Variants in PDE3A observed in about 807,000 individuals in gnomAD.
The protein encoded by PDE3A is phosphodiesterase 3A, also known as cGMP-inhibited 3',5'-cyclic phosphodiesterase 3A.
PDE3A carries 43 observed loss-of-function variants against 98.3 expected under a neutral mutation model. The observed-to-expected ratio is 0.44, with a 90% CI of 0.34 to 0.56. The LOEUF is 0.56. Ranked by LOEUF, PDE3A falls within the 20% of genes least tolerant of loss-of-function variation. The probability of loss-of-function intolerance (pLI) is 0.01; values close to 1 mark genes in which losing one functional copy is unlikely to be tolerated. For synonymous variants in PDE3A, 663 were observed against 567.9 expected (o/e 1.17, Z -2.38); for missense variants, 1,427 against 1,440.7 (o/e 0.99, Z 0.15).
At chr12:20,412,641 A>G (rs947540017) in intron 1 of PDE3A, among the ~76,000 whole-genome samples, 7 of 152,152 alleles carry the variant, frequency 4.6e-5, no homozygotes, top group Non-Finnish European at 5.9e-5. Flanking sequence ...TCCTACCTAC[A>G]TGGAATATGG....
At position 20,681,691 on chromosome 12, in the gene PDE3A, G is replaced by A. The variant is rs1945788747; in HGVS notation, c.*1420G>A. 1 of 151,946 alleles carries A rather than the reference G, an allele frequency of 6.6e-6. No individual in the cohort carries two copies. The highest frequency in any genetic ancestry group is 2.1e-4 in the South Asian group (1 of 4,818). 9.4% of individuals were successfully genotyped at this position (151,946 alleles called of 1,614,324 possible). On this transcript the variant is annotated 3_prime_UTR_variant, in exon 16 of 16. Coordinates refer to ENST00000359062, the MANE Select transcript of PDE3A (RefSeq NM_000921.5). ...TGGCCGGGGAGATTATAGAGAGATT[G>A]TTTGAAGATTGGGTTATTATTGAAA...
intron 1 of PDE3A, among the ~76,000 whole-genome samples, chr12:20,503,741 G>T (rs80023023): frequency 6.6e-6 from 1 of 151,746 alleles, no homozygotes; most frequent in African/African-American, 2.4e-5. Context: ...CTTATTTTAG[G>T]TTCTAATTTT....
At chr12:20,608,642 A>G (rs999898186) in intron 2 of PDE3A, among the ~76,000 whole-genome samples, 5 of 152,130 alleles carry the variant, frequency 3.3e-5, no homozygotes, top group Non-Finnish European at 5.9e-5. Context: ...TATTTTTTCT[A>G]TATATACAAG....
intron 2 of PDE3A, among the ~76,000 whole-genome samples, chr12:20,558,034 G>T (rs1942414300): frequency 6.6e-6 from 1 of 152,042 alleles, no homozygotes; most frequent in Admixed American, 6.6e-5. Context: ...AAAACATTTT[G>T]ATATTCAAAA....
chr12:20,573,941 A>G (rs10770671), intron 2 of PDE3A, among the ~76,000 whole-genome samples: 65,078 of 151,890 alleles, frequency 0.43, 14,102 homozygotes, highest in East Asian at 0.52. Context: ...AAAAGAAAAA[A>G]TGGAGATTTC....
intron 4 of PDE3A, among the ~76,000 whole-genome samples, chr12:20,618,459 A>T (rs936258123): frequency 6.6e-6 from 1 of 152,046 alleles, no homozygotes; most frequent in African/African-American, 2.4e-5. Context: ...TAGAAACACA[A>T]CTTAACTCAT....
chr12:20,673,301 A>G (rs1945541457), intron 15 of PDE3A, among the ~76,000 whole-genome samples: 1 of 150,578 alleles, frequency 6.6e-6, no homozygotes, highest in South Asian at 2.1e-4. Flanking sequence ...GCGATTCCTC[A>G]GGGATCTAGA....
At chr12:20,492,937 CACTT>C (rs1237640125) in intron 1 of PDE3A, among the ~76,000 whole-genome samples, 1 of 152,118 alleles carries the variant, frequency 6.6e-6, no homozygotes, top group Non-Finnish European at 1.5e-5. Context: ...AAAGCAAAAA[CACTT>C]ACTAGCTGTG....
At chr12:20,506,474 A>C (rs1390839146) in intron 1 of PDE3A, among the ~76,000 whole-genome samples, 2 of 152,074 alleles carry the variant, frequency 1.3e-5, no homozygotes, top group Non-Finnish European at 2.9e-5. Flanking sequence ...AAACATTTTT[A>C]TTAATCATCT....
At chr12:20,388,966 A>G (rs1450384464) in intron 1 of PDE3A, among the ~76,000 whole-genome samples, 1 of 152,090 alleles carries the variant, frequency 6.6e-6, no homozygotes, top group African/African-American at 2.4e-5. Context: ...GCAGAAATAA[A>G]TTTGAGAATA....
intron 1 of PDE3A, among the ~76,000 whole-genome samples, chr12:20,437,982 T>C (rs893647516): frequency 6.6e-6 from 1 of 151,734 alleles, no homozygotes; most frequent in South Asian, 2.1e-4. Flanking sequence ...ATTTTTTTTT[T>C]CCAGTAAGAT....
chr12:20,451,602 C>T (rs1394742016), intron 1 of PDE3A, among the ~76,000 whole-genome samples: 13 of 152,200 alleles, frequency 8.5e-5, no homozygotes, highest in Admixed American at 7.9e-4. Context: ...CAAGTACACC[C>T]AGCCTCATTA....
Position 20,648,887 on chromosome 12 carries a change from G to T in PDE3A, c.2765G>T (p.Gly922Val). 1.3e-6 allele frequency: 2 copies of T among 1,596,626 alleles called. No individual in the cohort carries two copies. The highest frequency in any genetic ancestry group is 1.7e-6 in the Non-Finnish European group (2 of 1,165,026). ...TTTGACTTCGTAGCCAAATTTAATG[G>T]CAAGGTAAATAGAGCTGTACCCAGT... ...KHFDFVAKFNGKVNDDVGIDW... is the reference protein window; with the variant it reads ...KHFDFVAKFNVKVNDDVGIDW... The change falls in exon 13 of 16, where the codon GGC (glycine) becomes GTC (valine). Residue 922 changes from glycine to valine, a missense_variant. Around this residue, in one of 3 missense-constraint regions of PDE3A, gnomAD observed 273 missense variants for 420.3 expected, o/e 0.65. Coordinates refer to ENST00000359062, the MANE Select transcript of PDE3A (RefSeq NM_000921.5).
chr12:20,392,058 G>A (rs114384546), intron 1 of PDE3A, among the ~76,000 whole-genome samples: 1,680 of 152,002 alleles, frequency 0.011, 31 homozygotes, highest in African/African-American at 0.039. Flanking sequence ...CACATACTAG[G>A]ACTGCACTTG....
In PDE3A at chr12:20,370,176, G is replaced by C. The variant is rs368119902; in HGVS notation, c.892G>C (p.Ala298Pro). The C allele has an allele frequency of 1.9e-6, 3 of 1,611,438 alleles. No individual in the cohort carries two copies. Among genetic ancestry groups the C allele is most frequent in the Non-Finnish European group, 2.5e-6 (3 of 1,178,998 alleles). Reference protein sequence around the residue: ...RRRRSSSVVSAEMSGCSSKSH... With the variant: ...RRRRSSSVVSPEMSGCSSKSH... ...GAGGCGGTCCAGCTCCGTCGTGTCC[G>C]CCGAGATGTCCGGCTGCAGCAGCAA... is the stretch of plus-strand genomic sequence containing the variant. The change falls in exon 1 of 16, where the codon GCC (alanine) becomes CCC (proline). Residue 298 changes from alanine to proline, a missense_variant. Coordinates refer to ENST00000359062, the MANE Select transcript of PDE3A (RefSeq NM_000921.5).
At chr12:20,563,882 T>G (rs1942591521) in intron 2 of PDE3A, among the ~76,000 whole-genome samples, 1 of 152,172 alleles carries the variant, frequency 6.6e-6, no homozygotes, top group South Asian at 2.1e-4. Context: ...TCTGCACTAT[T>G]GGACAATTAT....
At chr12:20,624,503 A>G (rs556599509) in intron 5 of PDE3A, among the ~76,000 whole-genome samples, 1 of 152,260 alleles carries the variant, frequency 6.6e-6, no homozygotes, top group South Asian at 2.1e-4. Context: ...AAGATACCAC[A>G]TGGGCAGGTG....
At chr12:20,411,114 A>C (rs1459070888) in intron 1 of PDE3A, among the ~76,000 whole-genome samples, 1 of 152,160 alleles carries the variant, frequency 6.6e-6, no homozygotes, top group Non-Finnish European at 1.5e-5. Flanking sequence ...ATTTATTTTT[A>C]AATTAATATT....
intron 1 of PDE3A, chr12:20,371,506 G>T (rs1216091778): frequency 1.0e-6 from 1 of 962,950 alleles, no homozygotes; most frequent in African/African-American, 1.8e-5. Flanking sequence ...TTATTCTGTG[G>T]ATAATCATTT....
Sources: allele counts gnomAD v4.1 joint callset (sites outside exome capture counted in the v4.1 genomes callset), GRCh38; gene constraint gnomAD v4.1.1; regional missense constraint gnomAD v4.1.1; transcripts MANE v1.5; gene names NCBI Gene and HGNC (gene_info 2026-07-23, HGNC 2026-07-21).